Variants in CDIN1 observed in about 807,000 individuals in gnomAD.
CDIN1 encodes the protein CDAN1 interacting nuclease 1.
In CDIN1, 33 loss-of-function variants were observed where a neutral mutation model predicts 45.3. That is an observed-to-expected ratio of 0.73 (90% CI 0.55 to 0.97). The LOEUF is 0.97. CDIN1 is among the 50% of genes least tolerant of loss of function. CDIN1 has a pLI of 0.00. For missense variants in CDIN1, 303 were observed against 339.4 expected (o/e 0.89, Z 0.84); for synonymous variants, 118 against 124.4 (o/e 0.95, Z 0.34).
At chr15:36,670,208 A>T (rs1469094718) in intron 5 of CDIN1, among the ~76,000 whole-genome samples, 3 of 152,038 alleles carry the variant, frequency 2.0e-5, no homozygotes, top group Non-Finnish European at 4.4e-5. Context: ...ATACATTTTA[A>T]TTTTTTCTTT....
At chr15:36,652,183 T>A in intron 3 of CDIN1, among the ~76,000 whole-genome samples, 1 of 152,198 alleles carries the variant, frequency 6.6e-6, no homozygotes, top group Admixed American at 6.6e-5. Flanking sequence ...TTATACTGTA[T>A]ATTTATCTCC....
chr15:36,791,952 T>C (rs2054655818), intron 10 of CDIN1, among the ~76,000 whole-genome samples: 1 of 152,146 alleles, frequency 6.6e-6, no homozygotes, highest in Admixed American at 6.5e-5. Context: ...GGTCTGTTAG[T>C]TCAGGCCCTA....
intron 10 of CDIN1, among the ~76,000 whole-genome samples, chr15:36,739,099 T>G (rs2044139185): frequency 6.6e-6 from 1 of 152,184 alleles, no homozygotes; most frequent in Non-Finnish European, 1.5e-5. Flanking sequence ...TTTTGCGGTT[T>G]GAAGAAAACA....
chr15:36,724,014 A>G (rs2043531767), intron 10 of CDIN1, among the ~76,000 whole-genome samples: 1 of 152,170 alleles, frequency 6.6e-6, no homozygotes, highest in African/African-American at 2.4e-5. Flanking sequence ...TTCCACTCTA[A>G]TCCACATAAC....
At chr15:36,757,721 G>A (rs1051523618) in intron 10 of CDIN1, among the ~76,000 whole-genome samples, 3 of 151,974 alleles carry the variant, frequency 2.0e-5, no homozygotes, top group East Asian at 1.9e-4. Context: ...ATCTTGGCTC[G>A]GTGACCCAGG....
chr15:36,759,613 A>C (rs1055375351), intron 10 of CDIN1, among the ~76,000 whole-genome samples: 1 of 152,140 alleles, frequency 6.6e-6, no homozygotes, highest in Admixed American at 6.6e-5. Context: ...TTACATTGAC[A>C]CTATTAGCAT....
chr15:36,768,749 C>T (rs10851995), intron 10 of CDIN1, among the ~76,000 whole-genome samples: 127,548 of 152,012 alleles, frequency 0.84, 54,885 homozygotes, highest in East Asian at 0.96. Flanking sequence ...CAGGCTCTGG[C>T]GAAGCAAATC....
At chr15:36,669,736 G>A (rs1240396250) in intron 5 of CDIN1, among the ~76,000 whole-genome samples, 1 of 152,006 alleles carries the variant, frequency 6.6e-6, no homozygotes, top group Non-Finnish European at 1.5e-5. Context: ...TGATGTTTTT[G>A]CAGAGGATAT....
Position 36,808,457 on chromosome 15 carries a change from T to G in CDIN1, c.*4T>G. 1 of 1,613,166 alleles carries G rather than the reference T, an allele frequency of 6.2e-7. No individual in the cohort carries two copies. Among genetic ancestry groups the G allele is most frequent in the Non-Finnish European group, 8.5e-7 (1 of 1,179,416 alleles). On this transcript the variant is annotated 3_prime_UTR_variant, in exon 11 of 11. Transcript: ENST00000566621. ...CTTATGCCACAGCATAGCTTGACCC[T>G]GAAGATCCTGGAAGAGAAGCTGGGA...
chr15:36,618,041 G>T, intron 1 of CDIN1: 1 of 778,984 alleles, frequency 1.3e-6, no homozygotes, highest in East Asian at 2.5e-5. Context: ...GCAGTTCTCG[G>T]TCTATAGTAT....
intron 7 of CDIN1, among the ~76,000 whole-genome samples, chr15:36,695,538 T>A (rs992229714): frequency 1.3e-5 from 2 of 152,134 alleles, no homozygotes; most frequent in African/African-American, 4.8e-5. Flanking sequence ...AACTTTACTT[T>A]CCTTAATTGT....
At chr15:36,600,110 G>T (rs2038025933) in intron 1 of CDIN1, among the ~76,000 whole-genome samples, 1 of 152,180 alleles carries the variant, frequency 6.6e-6, no homozygotes, top group African/African-American at 2.4e-5. Context: ...TTTCAGCAGG[G>T]TTTTGTCCCT....
At chr15:36,675,730 A>G (rs569841422) in intron 5 of CDIN1, among the ~76,000 whole-genome samples, 7 of 152,282 alleles carry the variant, frequency 4.6e-5, no homozygotes, top group South Asian at 2.1e-4. Context: ...TTGTACAACT[A>G]TTTTTAGATC....
At chr15:36,636,631 C>T (rs963067402) in intron 1 of CDIN1, among the ~76,000 whole-genome samples, 1 of 152,104 alleles carries the variant, frequency 6.6e-6, no homozygotes, top group Non-Finnish European at 1.5e-5. Flanking sequence ...AATGAGATGG[C>T]ACATCTGTGG....
At chr15:36,750,153 A>G (rs1404842770) in intron 10 of CDIN1, among the ~76,000 whole-genome samples, 1 of 151,968 alleles carries the variant, frequency 6.6e-6, no homozygotes, top group African/African-American at 2.4e-5. Context: ...CAAAAAACCT[A>G]TGTGGGTATG....
chr15:36,617,546 C>T (rs1434116374), intron 1 of CDIN1: 2 of 809,734 alleles, frequency 2.5e-6, no homozygotes, highest in African/African-American at 3.3e-5. Context: ...CAGTTCATCC[C>T]AATTTGGACA....
chr15:36,723,202 G>A (rs2043497293), intron 10 of CDIN1, among the ~76,000 whole-genome samples: 1 of 138,334 alleles, frequency 7.2e-6, no homozygotes, highest in Non-Finnish European at 1.5e-5. Context: ...CCCATTTGTT[G>A]CTGGCAGCTT....
rs1322733067 is a variant in CDIN1 at position 36,637,158 on chromosome 15, G to A, written c.102-7120G>A. Among the ~76,000 whole-genome samples, 12 of 151,302 alleles carry A rather than the reference G, an allele frequency of 7.9e-5. No individual in the cohort carries two copies. In the East Asian group the frequency reaches 2.1e-3, roughly 27 times the overall value. ...AGATTCTCAGATATTTAACCTCCCA[G>A]AGGCACCAACGTGTGTGATCAATTT... On this transcript the variant is annotated intron_variant, in intron 1 of 10. Coordinates refer to ENST00000566621, the MANE Select transcript of CDIN1 (RefSeq NM_001321759.2).
chr15:36,661,830 CTAAG>C (rs2041027985), intron 5 of CDIN1, among the ~76,000 whole-genome samples: 1 of 152,048 alleles, frequency 6.6e-6, no homozygotes, highest in Non-Finnish European at 1.5e-5. Flanking sequence ...AATGAAAACT[CTAAG>C]TATAGAAAAC....
Sources: gnomAD v4.1 joint callset for allele counts (sites outside exome capture counted in the v4.1 genomes callset) on GRCh38, gnomAD v4.1.1 for gene constraint, MANE v1.5 for transcripts, NCBI Gene and HGNC (gene_info 2026-07-23, HGNC 2026-07-21) for gene names.